The following COG4 variants were observed in gnomAD, a reference collection of about 807,000 sequenced individuals.
COG4 encodes the protein conserved oligomeric Golgi complex subunit 4.
COG4 carries 65 observed loss-of-function variants against 95.1 expected under a neutral mutation model. That is an observed-to-expected ratio of 0.68 (90% CI 0.56 to 0.84). The LOEUF (loss-of-function observed/expected upper bound fraction) is 0.84. Among genes scored for constraint, COG4 ranks in the 40% least tolerant of loss-of-function variants. The pLI is 0.00. For synonymous variants in COG4, 421 were observed against 374.8 expected, an observed-to-expected ratio of 1.12 and a Z score of -1.42; for missense variants, 1,045 against 989.1, an observed-to-expected ratio of 1.06 and a Z score of -0.76.
Position 70,481,837 on chromosome 16 carries a change from C to T in COG4, c.2033G>A (p.Ser678Asn). 6.2e-7 allele frequency: 1 copy of T among 1,613,964 alleles called. No homozygotes were observed. Among genetic ancestry groups the T allele is most frequent in the South Asian group, 1.1e-5 (1 of 91,038 alleles). The part of the protein sequence containing the change: ...KASLSPVIYD[S>N]LTGLMTSLVA... ...AAGGCTAGTCATGAGGCCGGTTAGG[C>T]TGTCGTAGATGACCGGGGACAGGCT... Residue 678 changes from serine to asparagine, a missense_variant, in exon 17 of 19, where the codon AGC becomes AAC. Transcript: ENST00000323786.
chr16:70,509,037 CCAT>C (rs2049640313), intron 7 of COG4, 191 bp downstream of exon 7: 2 of 687,862 alleles, frequency 2.9e-6, no homozygotes, highest in Admixed American at 2.2e-5. Flanking sequence ...TGAACTGAGG[CCAT>C]CATCATCTCG....
In COG4 at chr16:70,497,280, G is replaced by A; in HGVS notation, c.1422C>T (p.Ser474=). 1 of 1,614,156 alleles carries A rather than the reference G, an allele frequency of 6.2e-7. No individual in the cohort carries two copies. Residue 474 remains serine (S), a synonymous_variant, in exon 11 of 19, where the codon AGC becomes AGT. Transcript: ENST00000323786. The part of the protein sequence containing the change: ...KCIGRALSSS[S]IDCLCAMINL... Reference sequence around the variant, plus strand: ...TGATCATGGCACAGAGACAGTCAATGCTGGAGCTGGACAGAGCCCGCCCAA... The same window carrying A: ...TGATCATGGCACAGAGACAGTCAATACTGGAGCTGGACAGAGCCCGCCCAA...
intron 9 of COG4, among the ~76,000 whole-genome samples, chr16:70,499,211 C>A (rs2049399668): frequency 6.6e-6 from 1 of 151,604 alleles, no homozygotes; most frequent in Non-Finnish European, 1.5e-5. Flanking sequence ...TCTCAGAATC[C>A]AGCTGAGAAA....
chr16:70,498,209 C>G (rs1479037671), intron 9 of COG4, among the ~76,000 whole-genome samples, 154 bp from the exon 10 acceptor site: 2 of 152,070 alleles, frequency 1.3e-5, no homozygotes, highest in Non-Finnish European at 2.9e-5. Flanking sequence ...ATTTTGAATT[C>G]TGTTTTAAAA....
intron 8 of COG4, among the ~76,000 whole-genome samples, chr16:70,506,618 CAAAAAAA>C (rs1212409898): frequency 5.0e-5 from 3 of 59,942 alleles, no homozygotes; most frequent in East Asian, 1.3e-3. Context: ...AAAAAAAAAA[CAAAAAAA>C]AAAACATTTA....
intron 1 of COG4, among the ~76,000 whole-genome samples, chr16:70,520,369 G>GC (rs2049910816): frequency 2.2e-5 from 1 of 44,658 alleles, no homozygotes; most frequent in Admixed American, 1.6e-4. Context: ...CATGAACCCG[G>GC]GGGGTGGGGG....
chr16:70,503,435 G>T (rs1488607755), intron 8 of COG4, among the ~76,000 whole-genome samples: 2 of 152,170 alleles, frequency 1.3e-5, no homozygotes, highest in African/African-American at 4.8e-5. Flanking sequence ...TTAACAGCCT[G>T]ACTCTAATGA....
rs2151764180 is a variant in COG4, at chr16:70,517,879, CT to C, written c.255-140del. On this transcript the variant is annotated intron_variant, in intron 2 of 18. Coordinates refer to ENST00000323786, the MANE Select transcript of COG4 (RefSeq NM_015386.3). The stretch of plus-strand genomic sequence containing the variant: ...TTAGCTCAGTTTGCTCTATACTCAG[CT>C]TTTTCTCAAGAACGTTTGACTGTAA... The C allele has an allele frequency of 2.2e-5, 15 of 676,608 alleles. 1 individual carries two copies. The South Asian group carries it at 2.3e-4, about 10-fold the overall frequency. 41.9% of individuals were successfully genotyped at this position (676,608 alleles called of 1,614,324 possible).
intron 12 of COG4, among the ~76,000 whole-genome samples, chr16:70,493,024 G>A (rs2049276075): frequency 6.6e-6 from 1 of 152,150 alleles, no homozygotes; most frequent in Non-Finnish European, 1.5e-5. Flanking sequence ...GCCATTCAGA[G>A]GAAAGAACAA....
chr16:70,509,084 G>T, intron 7 of COG4, 147 bp downstream of exon 7: 1 of 980,192 alleles, frequency 1.0e-6, no homozygotes, highest in Non-Finnish European at 1.6e-6. Flanking sequence ...GCTGTCAATG[G>T]GCAAGATGCA....
At chr16:70,485,679 G>C (rs1273564712) in intron 13 of COG4, among the ~76,000 whole-genome samples, 1 of 149,106 alleles carries the variant, frequency 6.7e-6, no homozygotes, top group Admixed American at 6.8e-5. Context: ...TCTGTCTCCC[G>C]GGTTCAAGTG....
At chr16:70,501,113 G>C (rs1232713003) in intron 8 of COG4, 22 bp from the exon 9 acceptor site, 1 of 1,610,900 alleles carries the variant, frequency 6.2e-7, no homozygotes, top group Non-Finnish European at 8.5e-7. Flanking sequence ...GGAGCAGAAG[G>C]AATAGGACGA....
chr16:70,502,584 A>G (rs1190639407), intron 8 of COG4, among the ~76,000 whole-genome samples: 1 of 150,766 alleles, frequency 6.6e-6, no homozygotes, highest in Non-Finnish European at 1.5e-5. Flanking sequence ...CTGGGCAACA[A>G]GAGTGAAACT....
chr16:70,495,497 A>G (rs899802203), intron 12 of COG4, among the ~76,000 whole-genome samples: 17 of 152,016 alleles, frequency 1.1e-4, no homozygotes, highest in African/African-American at 2.4e-4. Context: ...TGTGGGCTAC[A>G]GATGCTACTA....
In COG4 at chr16:70,483,882, C is replaced by T. The variant is rs767599010; in HGVS notation, c.1798G>A (p.Val600Met). ...AAGAGGTCTCGGAATTTGTTGGACA[C>T]GGCGGCCAAGTCAGAAAGGCAGCTG... is the stretch of plus-strand genomic sequence containing the variant. ...FDSCLSDLAA[V>M]SNKFRDLLQE... The change falls in exon 14 of 19, where the codon GTG becomes ATG. Residue 600 changes from valine (V) to methionine (M), a missense_variant. Transcript: ENST00000323786. The T allele has an allele frequency of 3.8e-5, 61 of 1,613,410 alleles. 1 individual carries two copies. Among genetic ancestry groups the T allele is most frequent in the Middle Eastern group, 1.6e-4 (1 of 6,062 alleles).
chr16:70,508,962 G>C (rs1225539501), intron 7 of COG4: 1 of 555,878 alleles, frequency 1.8e-6, no homozygotes, highest in Non-Finnish European at 3.3e-6. Flanking sequence ...TTTTGTGATA[G>C]AGAACTGGTT....
At chr16:70,498,085 T>C (rs1043211557) in intron 9 of COG4, 30 bp from the exon 10 acceptor site, 4 of 1,423,330 alleles carry the variant, frequency 2.8e-6, no homozygotes, top group African/African-American at 2.8e-5. Flanking sequence ...GGAATACTCA[T>C]TTTTTTTCCC....
intron 13 of COG4, among the ~76,000 whole-genome samples, chr16:70,489,911 G>A (rs1424694854): frequency 2.6e-5 from 4 of 152,062 alleles, no homozygotes; most frequent in Non-Finnish European, 4.4e-5. Flanking sequence ...TCTGCCTCCC[G>A]GGTTCAAGTG....
intron 1 of COG4, 48 bp downstream of exon 1, chr16:70,523,325 C>T (rs780105500): frequency 6.2e-7 from 1 of 1,609,770 alleles, no homozygotes. Flanking sequence ...CTGAAGGCTC[C>T]CACTCTCCCT....
Sources: gnomAD v4.1 joint callset for allele counts (sites outside exome capture counted in the v4.1 genomes callset) on GRCh38, gnomAD v4.1.1 for gene constraint, MANE v1.5 for transcripts, NCBI Gene and HGNC (gene_info 2026-07-23, HGNC 2026-07-21) for gene names.